Variants in APBA1 observed in about 807,000 individuals in gnomAD.
APBA1 encodes amyloid beta precursor protein binding family A member 1.
APBA1 carries 55 observed loss-of-function variants against 86.6 expected under a neutral mutation model. The observed-to-expected ratio is 0.64, with a 90% confidence interval of 0.51 to 0.80. APBA1 has a LOEUF of 0.80. Ranked by LOEUF, APBA1 falls within the 30% of genes least tolerant of loss-of-function variation. The pLI, the probability that APBA1 is intolerant of heterozygous loss-of-function variation, is 0.00. For synonymous variants in APBA1, 511 were observed against 493.9 expected, an observed-to-expected ratio of 1.03 and a Z score of -0.46; for missense variants, 1,090 against 1,183.0, an observed-to-expected ratio of 0.92 and a Z score of 1.15.
intron 1 of APBA1, among the ~76,000 whole-genome samples, chr9:69,596,616 C>T (rs1822235543): frequency 1.3e-5 from 2 of 152,182 alleles, no homozygotes; most frequent in South Asian, 4.1e-4. Flanking sequence ...GAAGGGTGCA[C>T]ATCATCCTTT....
chr9:69,520,277 A>T (rs549445760), intron 1 of APBA1, among the ~76,000 whole-genome samples: 2 of 152,330 alleles, frequency 1.3e-5, no homozygotes, highest in South Asian at 4.1e-4. Context: ...ATTTATAAAA[A>T]ACATTTAAGC....
rs1554706277 is a variant in APBA1 at position 69,611,298 on chromosome 9, A to AC, written c.-70+60854_-70+60855insG. ...GGACCAGAAAAGGAAAAAAAAAAAAAAAAAAACAAAAAAAAAACCCAAACC... is the reference window on the plus strand; with the variant it reads ...GGACCAGAAAAGGAAAAAAAAAAAAACAAAAAACAAAAAAAAAACCCAAACC... On this transcript the variant is annotated intron_variant, in intron 1 of 12. Transcript: ENST00000265381. Among the ~76,000 whole-genome samples, 153 of 142,970 alleles carry AC rather than the reference A, an allele frequency of 1.1e-3. 3 individuals carry two copies. Among genetic ancestry groups the AC allele is most frequent in the South Asian group, 1.4e-3 (6 of 4,252 alleles). The allele number at this position is 142,970 out of a possible 152,430, so 93.8% of individuals were successfully genotyped here.
At chr9:69,464,803 A>C (rs1383175180) in intron 5 of APBA1, 1 of 152,224 alleles carries the variant, frequency 6.6e-6, no homozygotes, top group Admixed American at 6.5e-5. Context: ...TTTTCCCTGT[A>C]AGGCCATCTC....
rs1439166599 is a variant in APBA1, at chr9:69,671,063, T to C, written c.-70+1090A>G. Among the ~76,000 whole-genome samples, 3 of 152,006 alleles carry C rather than the reference T, an allele frequency of 2.0e-5. No individual in the cohort carries two copies. The East Asian group carries it at 5.8e-4, about 29-fold the overall frequency. Reference sequence around the variant, plus strand: ...CCGCATCTCTCTATACGTATACACCTCCAGAGTTCATTCTAAAAGAACCAA... The same window carrying C: ...CCGCATCTCTCTATACGTATACACCCCCAGAGTTCATTCTAAAAGAACCAA... On this transcript the variant is annotated intron_variant, in intron 1 of 12. Transcript: ENST00000265381.
At chr9:69,455,418 C>T (rs935352175) in intron 8 of APBA1, among the ~76,000 whole-genome samples, 4 of 152,042 alleles carry the variant, frequency 2.6e-5, no homozygotes, top group African/African-American at 7.2e-5. Context: ...CACCTGGGAG[C>T]AGCTTAGTTC....
At chr9:69,593,206 G>C (rs1336332606) in intron 1 of APBA1, among the ~76,000 whole-genome samples, 1 of 152,150 alleles carries the variant, frequency 6.6e-6, no homozygotes, top group Non-Finnish European at 1.5e-5. Flanking sequence ...TCAAACAACA[G>C]ACTGTATTTC....
rs1823792740 is a variant in APBA1 at position 69,663,628 on chromosome 9, T to C, written c.-70+8525A>G. On this transcript the variant is annotated intron_variant, in intron 1 of 12. Coordinates refer to ENST00000265381, the MANE Select transcript of APBA1 (RefSeq NM_001163.4). ...TTATCAATAGTCAGAAACATAACGA[T>C]TACATTATTTGGAATGGTGGCCAAT... Among the ~76,000 whole-genome samples the C allele has an allele frequency of 2.0e-5, 3 of 152,218 alleles. No individual in the cohort carries two copies. The South Asian group carries it at 6.2e-4, about 32-fold the overall frequency.
At chr9:69,620,569 T>A (rs1229558556) in intron 1 of APBA1, among the ~76,000 whole-genome samples, 1 of 151,976 alleles carries the variant, frequency 6.6e-6, no homozygotes, top group Non-Finnish European at 1.5e-5. Flanking sequence ...CCTAGCTACT[T>A]GGGAGGCTGA....
chr9:69,634,310 C>T (rs57866323), intron 1 of APBA1, among the ~76,000 whole-genome samples: 8,334 of 152,234 alleles, frequency 0.055, 765 homozygotes, highest in African/African-American at 0.19. Context: ...CCAGGCAGAA[C>T]TCAGGTGGCA....
At chr9:69,618,945 A>G (rs1564093720) in intron 1 of APBA1, among the ~76,000 whole-genome samples, 1 of 152,206 alleles carries the variant, frequency 6.6e-6, no homozygotes, top group Non-Finnish European at 1.5e-5. Context: ...AATAAGGACA[A>G]TATCTACCCC....
At position 69,646,300 on chromosome 9, in the gene APBA1, T is replaced by C. The variant is rs146690162; in HGVS notation, c.-70+25853A>G. Among the ~76,000 whole-genome samples the C allele has an allele frequency of 1.7e-3, 263 of 152,312 alleles. 1 individual carries two copies. Among genetic ancestry groups the C allele is most frequent in the African/African-American group, 5.9e-3 (246 of 41,580 alleles). On this transcript the variant is annotated intron_variant, in intron 1 of 12. Coordinates refer to ENST00000265381, the MANE Select transcript of APBA1 (RefSeq NM_001163.4). ...TTTCCTCCATTCTGCTCATATACAG[T>C]TCAAAAATTTTCTGCCATGCATGTG... is the stretch of plus-strand genomic sequence containing the variant.
At chr9:69,672,463 G>A (rs1823973719), upstream of APBA1, among the ~76,000 whole-genome samples, 1 of 149,144 alleles carries the variant, frequency 6.7e-6, no homozygotes, top group Admixed American at 6.7e-5. Context: ...GGCCTGCGAG[G>A]GAGGGCGCGG....
chr9:69,646,196 TG>T (rs1353280450), intron 1 of APBA1, among the ~76,000 whole-genome samples: 1 of 152,172 alleles, frequency 6.6e-6, no homozygotes, highest in East Asian at 1.9e-4. Context: ...ATGCTGTATT[TG>T]TTGCACCCAC....
chr9:69,519,943 G>C (rs1424105126), intron 1 of APBA1, among the ~76,000 whole-genome samples: 1 of 152,172 alleles, frequency 6.6e-6, no homozygotes, highest in South Asian at 2.1e-4. Context: ...GGGGCAGGGG[G>C]TGGTGGAAGA....
intron 1 of APBA1, among the ~76,000 whole-genome samples, chr9:69,662,343 G>A (rs1823769036): frequency 6.6e-6 from 1 of 152,194 alleles, no homozygotes; most frequent in African/African-American, 2.4e-5. Context: ...GCTGTGTACA[G>A]TACTTAGCGC....
Position 69,510,621 on chromosome 9 carries a change from C to T in APBA1, c.1200+5390G>A, listed in dbSNP as rs546766768. ...AAGAGCCCGCATCGCCAAGGCAATC[C>T]TAAGCCAAAAGAACAAAGCTGGAGG... On this transcript the variant is annotated intron_variant, in intron 2 of 12. Transcript: ENST00000265381. 2.7e-4 allele frequency among the ~76,000 whole-genome samples: 38 copies of T among 141,482 alleles called. 1 individual carries two copies. Among genetic ancestry groups the T allele is most frequent in the African/African-American group, 9.0e-4 (32 of 35,376 alleles). The allele number at this position is 141,482 out of a possible 152,430, so 92.8% of individuals were successfully genotyped here.
At chr9:69,487,323 C>A (rs575498668) in intron 2 of APBA1, among the ~76,000 whole-genome samples, 2 of 152,066 alleles carry the variant, frequency 1.3e-5, no homozygotes, top group Admixed American at 6.5e-5. Flanking sequence ...TGCCTCCCCC[C>A]AAAAATGCCT....
At position 69,449,804 on chromosome 9, in the gene APBA1, G is replaced by T. The variant is rs758546271; in HGVS notation, c.1969-8C>A. 1.2e-6 allele frequency: 2 copies of T among 1,604,098 alleles called. No homozygotes were observed. The highest frequency in any genetic ancestry group is 1.7e-6 in the Non-Finnish European group (2 of 1,172,032). On this transcript the variant is annotated splice_polypyrimidine_tract_variant and splice_region_variant and intron_variant, in intron 9 of 12. Transcript: ENST00000265381. ...CTGCTTCTCTATGAAAACCTGGAAGGAGAAAAACATTTAGAAAACCTCCAT... is the reference window on the plus strand; with the variant it reads ...CTGCTTCTCTATGAAAACCTGGAAGTAGAAAAACATTTAGAAAACCTCCAT...
intron 1 of APBA1, among the ~76,000 whole-genome samples, chr9:69,580,323 G>A (rs1821890480): frequency 6.6e-6 from 1 of 152,172 alleles, no homozygotes; most frequent in Non-Finnish European, 1.5e-5. Flanking sequence ...TTAACACTGA[G>A]TGGGTATTTA....
Sources: gnomAD v4.1 joint callset for allele counts (sites outside exome capture counted in the v4.1 genomes callset) on GRCh38, gnomAD v4.1.1 for gene constraint, MANE v1.5 for transcripts, NCBI Gene and HGNC (gene_info 2026-07-23, HGNC 2026-07-21) for gene names.